VAV2: variants seen among roughly 807,000 people sequenced by gnomAD.
VAV2 encodes the protein guanine nucleotide exchange factor VAV2.
VAV2 carries 67 observed loss-of-function variants against 132.5 expected under a neutral mutation model. The ratio of observed to expected loss-of-function variants is 0.51; its 90% CI spans 0.42 to 0.62. The LOEUF is 0.62. Ranked by LOEUF, VAV2 falls within the 20% of genes least tolerant of loss-of-function variation. VAV2 has a pLI of 0.00. For missense variants in VAV2, 938 were observed against 1,153.6 expected (o/e 0.81, Z 2.71); for synonymous variants, 492 against 443.5 (o/e 1.11, Z -1.37).
At chr9:133,765,564 G>C (rs961013746) in intron 29 of VAV2, among the ~76,000 whole-genome samples, 1 of 152,206 alleles carries the variant, frequency 6.6e-6, no homozygotes, top group Non-Finnish European at 1.5e-5. Flanking sequence ...GAGAAAGACT[G>C]AGGAATATTC....
At chr9:133,803,035 CG>C (rs1241045000) in intron 9 of VAV2, among the ~76,000 whole-genome samples, 1 of 152,168 alleles carries the variant, frequency 6.6e-6, no homozygotes, top group Non-Finnish European at 1.5e-5. Context: ...GGACCATGAC[CG>C]GGGACTCTCC....
At chr9:133,893,888 G>A (rs1839087501) in intron 2 of VAV2, among the ~76,000 whole-genome samples, 2 of 152,218 alleles carry the variant, frequency 1.3e-5, no homozygotes, top group Admixed American at 1.3e-4. Flanking sequence ...CACACACACA[G>A]TTGAATGCTT....
chr9:133,787,096 A>C, intron 16 of VAV2, 150 bp downstream of exon 16: 2 of 855,806 alleles, frequency 2.3e-6, no homozygotes, highest in Non-Finnish European at 3.3e-6. Flanking sequence ...AAATCATTTC[A>C]TCATCGGGAA....
intron 2 of VAV2, among the ~76,000 whole-genome samples, chr9:133,897,657 C>A (rs573977006): frequency 6.6e-6 from 1 of 152,262 alleles, no homozygotes; most frequent in Admixed American, 6.5e-5. Flanking sequence ...GGCTCTAAGC[C>A]CTCCATTTCC....
At position 133,788,262 on chromosome 9, in the gene VAV2, C is replaced by G; in HGVS notation, c.1407+92G>C. The stretch of plus-strand genomic sequence containing the variant: ...CCCGGCCAGCATCAGCGGCTGACTT[C>G]GAGTCCCCTTCCCCTGGGGTCTGGA... On this transcript the variant is annotated intron_variant, in intron 15 of 29. Transcript: ENST00000371850. This position sits in a 1 kb window ranked among gnomAD's most constrained non-coding sequence, Gnocchi z 5.3. 3.4e-6 allele frequency: 3 copies of G among 878,696 alleles called. No homozygotes were observed. Among genetic ancestry groups the G allele is most frequent in the East Asian group, 5.3e-5 (1 of 18,734 alleles). 54.4% of individuals were successfully genotyped at this position (878,696 alleles called of 1,614,324 possible). A position where few individuals can be genotyped will look rare whatever the true frequency, so the allele number is the denominator to read the frequency against.
chr9:133,810,278 G>C (rs1199230959), intron 5 of VAV2, 73 bp from the exon 6 acceptor site: 5 of 1,603,788 alleles, frequency 3.1e-6, no homozygotes, highest in Admixed American at 1.7e-5. Context: ...AGCTGGGCCT[G>C]GGACATCAGG....
At chr9:133,845,311 C>T (rs376863234) in intron 3 of VAV2, among the ~76,000 whole-genome samples, 27 of 152,344 alleles carry the variant, frequency 1.8e-4, no homozygotes, top group African/African-American at 6.0e-4. Context: ...CCGCATGGCA[C>T]GCCCAAGGCA....
At chr9:133,871,532 C>T (rs1311994974) in intron 2 of VAV2, among the ~76,000 whole-genome samples, 1 of 151,632 alleles carries the variant, frequency 6.6e-6, no homozygotes, top group Non-Finnish European at 1.5e-5. Flanking sequence ...TAGATGGATG[C>T]CGACTCAGAG....
intron 1 of VAV2, among the ~76,000 whole-genome samples, chr9:133,956,362 A>G (rs1425328007): frequency 6.6e-6 from 1 of 152,026 alleles, no homozygotes; most frequent in African/African-American, 2.4e-5. Context: ...TCTGGTTCTC[A>G]GCTGTGGGGT....
At chr9:133,881,293 C>A (rs1001186940) in intron 2 of VAV2, among the ~76,000 whole-genome samples, 1 of 152,260 alleles carries the variant, frequency 6.6e-6, no homozygotes, top group African/African-American at 2.4e-5. Context: ...GGAGCGCAGA[C>A]GTGGGACAAG....
At chr9:133,818,816 G>A (rs540669516) in intron 4 of VAV2, among the ~76,000 whole-genome samples, 9 of 152,206 alleles carry the variant, frequency 5.9e-5, no homozygotes, top group Admixed American at 2.0e-4. Context: ...TGTTTCTTGC[G>A]TTTGGTGATT....
chr9:133,817,771 G>A (rs1482653595), intron 4 of VAV2, among the ~76,000 whole-genome samples: 1 of 152,120 alleles, frequency 6.6e-6, no homozygotes, highest in Non-Finnish European at 1.5e-5. Flanking sequence ...ATTTCCATTT[G>A]CCACTTTTCA....
In VAV2 at chr9:133,879,136, C is replaced by T. The variant is rs751216140; in HGVS notation, c.322-17704G>A. ...TGCTGCTGAACCTGGCTCTGGACCC[C>T]GTCTCAGCTGCAGACTCGCAGCAGT... On this transcript the variant is annotated intron_variant, in intron 2 of 29. Transcript: ENST00000371850. The surrounding 1 kb of genome is among the most constrained non-coding windows in gnomAD (Gnocchi z 4.4). Among the ~76,000 whole-genome samples the T allele has an allele frequency of 6.6e-6, 1 of 152,212 alleles. No homozygotes were observed. Among genetic ancestry groups the T allele is most frequent in the Non-Finnish European group, 1.5e-5 (1 of 68,038 alleles).
At chr9:133,898,528 A>G (rs1839306629) in intron 2 of VAV2, among the ~76,000 whole-genome samples, 1 of 152,114 alleles carries the variant, frequency 6.6e-6, no homozygotes, top group Non-Finnish European at 1.5e-5. Flanking sequence ...CAGAAGGCAG[A>G]GATTGCAGTG....
intron 1 of VAV2, among the ~76,000 whole-genome samples, chr9:133,940,965 TCA>T (rs1841126245): frequency 1.3e-5 from 2 of 149,926 alleles, no homozygotes; most frequent in Admixed American, 6.6e-5. Flanking sequence ...CAATATGGGA[TCA>T]CACACAGTTT....
rs187988846 is a variant in VAV2, at chr9:133,905,156, C to G, written c.321+33947G>C. 5.9e-3 allele frequency among the ~76,000 whole-genome samples: 895 copies of G among 152,078 alleles called. 8 individuals are homozygous for G. Among genetic ancestry groups the G allele is most frequent in the African/African-American group, 0.02 (844 of 41,482 alleles). The stretch of plus-strand genomic sequence containing the variant: ...GCCAGAACAGTGGCTCAGCCGGGCG[C>G]GGTGGCTCACGCCTGTAATCCCAGC... On this transcript the variant is annotated intron_variant, in intron 2 of 29. Coordinates refer to ENST00000371850, the MANE Select transcript of VAV2 (RefSeq NM_001134398.2).
chr9:133,786,025 CAT>C lies in VAV2; in HGVS notation c.1423-142_1423-141del, dbSNP rs571248793. ...ACAGGTGCCTGTGCCTGTGTGAACA[CAT>C]GTTCTCACGTGTGTACCTGCTCTCT... is the stretch of plus-strand genomic sequence containing the variant. On this transcript the variant is annotated intron_variant, in intron 16 of 29. Transcript: ENST00000371850. The C allele has an allele frequency of 3.2e-3, 2,449 of 771,668 alleles. 45 individuals carry two copies. In the African/African-American group the frequency reaches 0.037, roughly 12 times the overall value. 47.8% of individuals were successfully genotyped at this position (771,668 alleles called of 1,614,324 possible). A position where few individuals can be genotyped will look rare whatever the true frequency, so the allele number is the denominator to read the frequency against.
At position 133,797,604 on chromosome 9, in the gene VAV2, C is replaced by T. The variant is rs560594933; in HGVS notation, c.936+106G>A. The stretch of plus-strand genomic sequence containing the variant: ...ACCATTACGTCATCACCCCCATCAC[C>T]ACCTTCCCAACAAATGGGCAAGAGA... On this transcript the variant is annotated intron_variant, in intron 10 of 29. Coordinates refer to ENST00000371850, the MANE Select transcript of VAV2 (RefSeq NM_001134398.2). 5.6e-5 allele frequency: 56 copies of T among 1,001,322 alleles called. No individual in the cohort carries two copies. In the African/African-American group the frequency reaches 6.7e-4, roughly 12 times the overall value. The allele number at this position is 1,001,322 out of a possible 1,614,324, so 62.0% of individuals were successfully genotyped here. A position where few individuals can be genotyped will look rare whatever the true frequency, so the allele number is the denominator to read the frequency against.
Position 133,768,549 on chromosome 9 carries a change from C to A in VAV2, c.2482G>T (p.Ala828Ser), listed in dbSNP as rs774838611. Reference sequence around the variant, plus strand: ...GAAAGCTCCCTCATATCTCGGGCGGCAAAGTTATACCTGGCCACAGCTGTG... The same window carrying A: ...GAAAGCTCCCTCATATCTCGGGCGGAAAAGTTATACCTGGCCACAGCTGTG... ...IGTAVARYNF[A>S]ARDMRELSLR... The change falls in exon 29 of 30, where the codon GCC (alanine) becomes TCC (serine). Residue 828 changes from alanine to serine, a missense_variant. Coordinates refer to ENST00000371850, the MANE Select transcript of VAV2 (RefSeq NM_001134398.2). This position sits in a 1 kb window ranked among gnomAD's most constrained non-coding sequence, Gnocchi z 5.3. The A allele has an allele frequency of 1.2e-6, 2 of 1,613,890 alleles. No individual in the cohort carries two copies. Among genetic ancestry groups the A allele is most frequent in the Non-Finnish European group, 1.7e-6 (2 of 1,179,992 alleles).
Sources: gnomAD v4.1 joint callset for allele counts (sites outside exome capture counted in the v4.1 genomes callset) on GRCh38, gnomAD v4.1.1 for gene constraint, Gnocchi (gnomAD v3.1) non-coding constraint, MANE v1.5 for transcripts, NCBI Gene and HGNC (gene_info 2026-07-23, HGNC 2026-07-21) for gene names.